Variants in CTSD observed in about 807,000 individuals in gnomAD.
The protein encoded by CTSD is ceroid-lipofuscinosis, neuronal 10.
In CTSD, 28 loss-of-function variants were observed where a neutral mutation model predicts 43.6. That is an observed-to-expected ratio of 0.64 (90% CI 0.48 to 0.88). The LOEUF is 0.88. Among genes scored for constraint, CTSD ranks in the 40% least tolerant of loss-of-function variants. The pLI, the probability that CTSD is intolerant of heterozygous loss-of-function variation, is 0.00. For missense variants in CTSD, 485 were observed against 555.2 expected, an observed-to-expected ratio of 0.87 and a Z score of 1.27; for synonymous variants, 270 against 249.8, an observed-to-expected ratio of 1.08 and a Z score of -0.76.
chr11:1,753,738 C>T, intron 8 of CTSD, 65 bp downstream of exon 8: 1 of 1,607,898 alleles, frequency 6.2e-7, no homozygotes, highest in Admixed American at 1.7e-5. Context: ...TGCCCGCTCA[C>T]CTGGAGCGTG....
chr11:1,760,187 G>A (rs1042224688), intron 2 of CTSD, among the ~76,000 whole-genome samples: 1 of 152,236 alleles, frequency 6.6e-6, no homozygotes, highest in African/African-American at 2.4e-5. Flanking sequence ...AAGGGGAGAA[G>A]GTAAGCCTTA....
chr11:1,757,301 C>A (rs374359096), intron 5 of CTSD, 23 bp downstream of exon 5: 2 of 1,598,492 alleles, frequency 1.3e-6, no homozygotes, highest in Non-Finnish European at 1.7e-6. Context: ...CAACGCGGAG[C>A]GAGAGGGAAC....
chr11:1,758,054 TG>T (rs1845831047), intron 4 of CTSD: 1 of 213,928 alleles, frequency 4.7e-6, no homozygotes, highest in East Asian at 1.2e-4. Flanking sequence ...GAGCAGGATG[TG>T]GGAAGGGAAC....
chr11:1,756,956 C>T (rs545928813), intron 5 of CTSD, among the ~76,000 whole-genome samples: 2 of 152,312 alleles, frequency 1.3e-5, no homozygotes, highest in South Asian at 2.1e-4. Context: ...GGGACCAGGA[C>T]CACATGTGCC....
At position 1,752,956 on chromosome 11, in the gene CTSD, C is replaced by G. The variant is rs569051167; in HGVS notation, c.*547G>C. Reference sequence around the variant, plus strand: ...AGGCTCCAACAAGGTGGGTTTTGTCCCCTCTCACTCCTTCCAGCTCATCCT... The same window carrying G: ...AGGCTCCAACAAGGTGGGTTTTGTCGCCTCTCACTCCTTCCAGCTCATCCT... On this transcript the variant is annotated 3_prime_UTR_variant, in exon 9 of 9. Transcript: ENST00000236671. The G allele has an allele frequency of 8.6e-5, 17 of 197,580 alleles. No homozygotes were observed. The highest frequency in any genetic ancestry group is 1.6e-4 in the Admixed American group (3 of 18,546). 12.2% of individuals were successfully genotyped at this position (197,580 alleles called of 1,614,324 possible).
At position 1,758,843 on chromosome 11, in the gene CTSD, C is replaced by T. The variant is rs1845840003; in HGVS notation, c.471+126G>A. On this transcript the variant is annotated intron_variant, in intron 4 of 8. Coordinates refer to ENST00000236671, the MANE Select transcript of CTSD (RefSeq NM_001909.5). ...ACCCCTCCTCACCCTGCTGACTGCC[C>T]CGGCCACCTGAGGGCTGGGGTTGGG... The T allele has an allele frequency of 3.7e-5, 29 of 792,376 alleles. No homozygotes were observed. In the South Asian group the frequency reaches 3.9e-4, roughly 11 times the overall value. The allele number at this position is 792,376 out of a possible 1,614,324, so 49.1% of individuals were successfully genotyped here. A position where few individuals can be genotyped will look rare whatever the true frequency, so the allele number is the denominator to read the frequency against.
In CTSD at chr11:1,753,477, G is replaced by A; in HGVS notation, c.*26C>T. 1 of 1,612,764 alleles carries A rather than the reference G, an allele frequency of 6.2e-7. No homozygotes were observed. Among genetic ancestry groups the A allele is most frequent in the South Asian group, 1.1e-5 (1 of 91,078 alleles). On this transcript the variant is annotated 3_prime_UTR_variant, in exon 9 of 9. Coordinates refer to ENST00000236671, the MANE Select transcript of CTSD (RefSeq NM_001909.5). ...TGCTCTGGGACTCTCCTCTGTTTCT[G>A]TGCTGGCGCGCGGACGCCTTGGGAA...
intron 1 of CTSD, among the ~76,000 whole-genome samples, chr11:1,762,810 G>A (rs1330293098): frequency 6.6e-6 from 1 of 152,268 alleles, no homozygotes; most frequent in East Asian, 1.9e-4. Flanking sequence ...CCCCCACAAC[G>A]ACTTTAATTG....
rs139068420 is a variant in CTSD, at chr11:1,759,468, T to C, written c.352+48A>G. On this transcript the variant is annotated intron_variant, in intron 3 of 8. Transcript: ENST00000236671. Reference sequence around the variant, plus strand: ...TTCCTGAGGCAGCCCTGCAGCGACATCCCGGAAGGGCAGGACCTGGGCGAC... The same window carrying C: ...TTCCTGAGGCAGCCCTGCAGCGACACCCCGGAAGGGCAGGACCTGGGCGAC... 24,525 of 1,610,558 alleles carry C rather than the reference T, an allele frequency of 0.015. 228 individuals carry two copies. The highest frequency in any genetic ancestry group is 0.018 in the Non-Finnish European group (21,072 of 1,179,424).
Position 1,763,859 on chromosome 11 carries a change from TGGC to T in CTSD, c.-3_-1del, listed in dbSNP as rs886043526. The T allele has an allele frequency of 3.9e-6, 6 of 1,523,830 alleles. No homozygotes were observed. The East Asian group carries it at 7.7e-5, about 20-fold the overall frequency. 94.4% of individuals were successfully genotyped at this position (1,523,830 alleles called of 1,614,324 possible). A position where few individuals can be genotyped will look rare whatever the true frequency, so the allele number is the denominator to read the frequency against. ...AGCGGCAGAAGGCTGGAGGGCTGCA[TGGC>T]GGCGGCGGCCGGGTCGGAGAGGGTC... On this transcript the variant is annotated 5_prime_UTR_variant, in exon 1 of 9. Coordinates refer to ENST00000236671, the MANE Select transcript of CTSD (RefSeq NM_001909.5).
intron 2 of CTSD, 52 bp downstream of exon 2, chr11:1,761,257 A>T: frequency 6.2e-7 from 1 of 1,601,274 alleles, no homozygotes; most frequent in Non-Finnish European, 8.6e-7. Context: ...ACTGCCACGG[A>T]GCTCTCCTGA....
At chr11:1,757,802 A>C (rs149389324) in intron 4 of CTSD, among the ~76,000 whole-genome samples, 247 of 152,166 alleles carry the variant, frequency 1.6e-3, no homozygotes, top group Middle Eastern at 3.4e-3. Context: ...ACCAGGCAGG[A>C]GCACAGACGG....
chr11:1,756,233 C>T (rs1845808022), intron 5 of CTSD, among the ~76,000 whole-genome samples: 1 of 152,148 alleles, frequency 6.6e-6, no homozygotes, highest in Non-Finnish European at 1.5e-5. Context: ...TGTGGGCACT[C>T]ATGCCTGCAT....
Position 1,761,381 on chromosome 11 carries a change from G to A in CTSD, c.156C>T (p.Val52=). The A allele has an allele frequency of 6.2e-7, 1 of 1,613,844 alleles. No individual in the cohort carries two copies. The highest frequency in any genetic ancestry group is 8.5e-7 in the Non-Finnish European group (1 of 1,180,022). Residue 52 remains valine (V), a synonymous_variant, in exon 2 of 9, where the codon GTC becomes GTT. Coordinates refer to ENST00000236671, the MANE Select transcript of CTSD (RefSeq NM_001909.5). The part of the protein sequence containing the change: ...SVEDLIAKGP[V]SKYSQAVPAV... ...CTGGCACCGCCTGGGAGTACTTTGA[G>A]ACGGGGCCTTTGGCAATCAGGTCCT...
chr11:1,758,717 C>A (rs1845838578), intron 4 of CTSD, among the ~76,000 whole-genome samples: 1 of 152,192 alleles, frequency 6.6e-6, no homozygotes, highest in African/African-American at 2.4e-5. Context: ...GCCCTGTCCT[C>A]CCTCCCACTC....
At chr11:1,763,411 C>G (rs1590909761) in intron 1 of CTSD, 1 of 205,818 alleles carries the variant, frequency 4.9e-6, no homozygotes, top group Non-Finnish European at 9.8e-6. Flanking sequence ...GCTCTGAGGC[C>G]TGACCTAGGT....
chr11:1,755,134 GGA>G, intron 5 of CTSD, 106 bp from the exon 6 acceptor site: 1 of 1,356,602 alleles, frequency 7.4e-7, no homozygotes, highest in South Asian at 1.2e-5. Context: ...GCTTCCTGAA[GGA>G]GGGGCCTTTC....
chr11:1,754,164 C>T (rs913643339), intron 6 of CTSD, 26 bp from the exon 7 acceptor site: 1 of 1,602,342 alleles, frequency 6.2e-7, no homozygotes, highest in Middle Eastern at 1.7e-4. Context: ...GCGTGAAGCC[C>T]CTGCCGGGAC....
Position 1,757,564 on chromosome 11 carries a change from C to A in CTSD, c.472-8G>T. 6.2e-7 allele frequency: 1 copy of A among 1,603,244 alleles called. No homozygotes were observed. ...CGCTGACTGGCAGGGCACCTGCAGG[C>A]CAGGGCAGAGTCAGTGGGCAGCAGA... On this transcript the variant is annotated splice_polypyrimidine_tract_variant and splice_region_variant and intron_variant, in intron 4 of 8. Coordinates refer to ENST00000236671, the MANE Select transcript of CTSD (RefSeq NM_001909.5).
Sources: allele counts gnomAD v4.1 joint callset (sites outside exome capture counted in the v4.1 genomes callset), GRCh38; gene constraint gnomAD v4.1.1; transcripts MANE v1.5; gene names NCBI Gene and HGNC (gene_info 2026-07-23, HGNC 2026-07-21).